The following PBX1 variants were observed in gnomAD, a reference collection of about 807,000 sequenced individuals.
The protein encoded by PBX1 is pre-B-cell leukemia transcription factor 1.
Under a neutral mutation model 53.4 loss-of-function variants are expected in PBX1, and 6 were observed. The observed-to-expected ratio is 0.11, with a 90% CI of 0.06 to 0.22. PBX1 has a LOEUF of 0.22. Among genes scored for constraint, PBX1 ranks in the 10% least tolerant of loss-of-function variants. PBX1 has a pLI of 1.00. For missense variants in PBX1, 251 were observed against 551.4 expected, an observed-to-expected ratio of 0.46 and a Z score of 5.46; for synonymous variants, 204 against 212.3, an observed-to-expected ratio of 0.96 and a Z score of 0.34.
At chr1:164,838,108 T>A (rs1671127385) in intron 8 of PBX1, among the ~76,000 whole-genome samples, 1 of 152,220 alleles carries the variant, frequency 6.6e-6, no homozygotes, top group Non-Finnish European at 1.5e-5. Context: ...GGTGCTACAG[T>A]TGATGGAATC....
At chr1:164,688,989 G>T (rs1235172440) in intron 2 of PBX1, among the ~76,000 whole-genome samples, 2 of 152,202 alleles carry the variant, frequency 1.3e-5, no homozygotes, top group African/African-American at 4.8e-5. Context: ...GGAGGGTGGC[G>T]TCGCGCCTCC....
chr1:164,679,127 G>A (rs1421922492), intron 2 of PBX1, among the ~76,000 whole-genome samples: 2 of 152,096 alleles, frequency 1.3e-5, no homozygotes, highest in Non-Finnish European at 2.9e-5. Context: ...TCCCCTAAAC[G>A]TTACATAGGT....
intron 2 of PBX1, among the ~76,000 whole-genome samples, chr1:164,788,546 A>G (rs962796163): frequency 4.6e-5 from 7 of 152,172 alleles, no homozygotes; most frequent in Non-Finnish European, 8.8e-5. Flanking sequence ...CAAGCATTAC[A>G]GACACAGCCC....
intron 2 of PBX1, among the ~76,000 whole-genome samples, chr1:164,741,160 G>A (rs188835266): frequency 5.8e-4 from 88 of 152,300 alleles, no homozygotes; most frequent in Admixed American, 4.8e-3. Context: ...CAAAGAAGTT[G>A]CTCAAGGATA....
intron 2 of PBX1, among the ~76,000 whole-genome samples, chr1:164,726,525 T>G (rs1196275177): frequency 1.3e-5 from 2 of 152,230 alleles, no homozygotes; most frequent in African/African-American, 4.8e-5. Flanking sequence ...ACATCTGGGA[T>G]ATAAATAGAT....
At chr1:164,721,283 G>A (rs577530752) in intron 2 of PBX1, among the ~76,000 whole-genome samples, 14 of 152,230 alleles carry the variant, frequency 9.2e-5, no homozygotes, top group Admixed American at 3.9e-4. Context: ...TTGGGCCCTT[G>A]AGCAGGCATT....
intron 2 of PBX1, among the ~76,000 whole-genome samples, chr1:164,697,075 T>G (rs986391747): frequency 1.3e-5 from 2 of 152,230 alleles, no homozygotes; most frequent in African/African-American, 4.8e-5. Context: ...TGGTGAAAGA[T>G]TAAAATAATA....
In PBX1 at chr1:164,834,019, ATATATG is replaced by A. The variant is rs1350609901; in HGVS notation, c.1200+12401_1200+12406del. ...GTATATATACCCTGGATATGGGTAT[ATATATG>A]TATATGTGTGTGTGTGTGTGTGTGT... On this transcript the variant is annotated intron_variant, in intron 8 of 8. Coordinates refer to ENST00000420696, the MANE Select transcript of PBX1 (RefSeq NM_002585.4). Among the ~76,000 whole-genome samples, 358 of 114,736 alleles carry A rather than the reference ATATATG, an allele frequency of 3.1e-3. 3 individuals carry two copies. Among genetic ancestry groups the A allele is most frequent in the African/African-American group, 0.012 (331 of 27,764 alleles). 75.3% of individuals were successfully genotyped at this position (114,736 alleles called of 152,430 possible).
intron 2 of PBX1, among the ~76,000 whole-genome samples, chr1:164,859,123 T>C (rs953374701): frequency 6.6e-6 from 1 of 152,182 alleles, no homozygotes; most frequent in African/African-American, 2.4e-5. Flanking sequence ...AGAAAACATT[T>C]TTATTGATGA....
intron 2 of PBX1, among the ~76,000 whole-genome samples, chr1:164,580,175 G>A (rs1401904039): frequency 6.6e-6 from 1 of 152,188 alleles, no homozygotes; most frequent in East Asian, 1.9e-4. Flanking sequence ...TCTCATGACT[G>A]TGGCTGGCTG....
At chr1:164,741,103 ATCC>A (rs1557978282) in intron 2 of PBX1, among the ~76,000 whole-genome samples, 1 of 152,220 alleles carries the variant, frequency 6.6e-6, no homozygotes, top group East Asian at 1.9e-4. Context: ...CGTTTTGCCT[ATCC>A]TCGATATGGT....
chr1:164,662,644 G>A (rs1660551616), intron 2 of PBX1, among the ~76,000 whole-genome samples: 2 of 152,110 alleles, frequency 1.3e-5, no homozygotes, highest in Admixed American at 1.3e-4. Context: ...TGAGCTTTGA[G>A]CATTCTGTGG....
intron 2 of PBX1, among the ~76,000 whole-genome samples, chr1:164,773,236 A>AACACACACACAC (rs1193168258): frequency 2.1e-4 from 10 of 48,010 alleles, no homozygotes; most frequent in African/African-American, 1.0e-3. Flanking sequence ...GCATATAGGT[A>AACACACACACAC]ACACGCGCAC....
intron 2 of PBX1, among the ~76,000 whole-genome samples, chr1:164,624,965 C>G (rs1421703862): frequency 6.6e-6 from 1 of 152,174 alleles, no homozygotes; most frequent in African/African-American, 2.4e-5. Flanking sequence ...AAAGTGTTAT[C>G]TATCCTTCCA....
intron 2 of PBX1, among the ~76,000 whole-genome samples, chr1:164,644,427 C>T (rs902751350): frequency 1.3e-5 from 2 of 152,178 alleles, no homozygotes; most frequent in African/African-American, 2.4e-5. Flanking sequence ...TCAAATTCTG[C>T]TCATCTTAGG....
intron 2 of PBX1, among the ~76,000 whole-genome samples, chr1:164,619,723 G>T (rs1428738212): frequency 6.6e-6 from 1 of 152,044 alleles, no homozygotes; most frequent in Non-Finnish European, 1.5e-5. Context: ...GGAAGCTGAG[G>T]AACTCCTGAA....
At chr1:164,561,561 A>G (rs1262514765) in intron 1 of PBX1, among the ~76,000 whole-genome samples, 3 of 152,356 alleles carry the variant, frequency 2.0e-5, no homozygotes, top group South Asian at 4.1e-4. Context: ...ATTTTTCTCT[A>G]TTATATTGTT....
intron 1 of PBX1, among the ~76,000 whole-genome samples, chr1:164,561,692 T>C (rs1028565136): frequency 2.0e-5 from 3 of 152,184 alleles, no homozygotes; most frequent in African/African-American, 4.8e-5. Flanking sequence ...TTTGTGAAAC[T>C]GTGGACAAAC....
chr1:164,672,458 T>TA (rs1189900075), intron 2 of PBX1, among the ~76,000 whole-genome samples: 4 of 152,206 alleles, frequency 2.6e-5, no homozygotes, highest in African/African-American at 9.7e-5. Flanking sequence ...ACGTGACTGT[T>TA]ATGCTGATAA....
Sources: gnomAD v4.1 joint callset for allele counts (sites outside exome capture counted in the v4.1 genomes callset) on GRCh38, gnomAD v4.1.1 for gene constraint, MANE v1.5 for transcripts, NCBI Gene and HGNC (gene_info 2026-07-23, HGNC 2026-07-21) for gene names.